Variants in ZNF280D observed in about 807,000 individuals in gnomAD.
The protein encoded by ZNF280D is zinc finger protein 280D, also known as suppressor of hairy wing homolog 4.
In ZNF280D, 39 loss-of-function variants were observed where a neutral mutation model predicts 94.7. That is an observed-to-expected ratio of 0.41 (90% confidence interval 0.32 to 0.54). The LOEUF (loss-of-function observed/expected upper bound fraction) is 0.54. Ranked by LOEUF, ZNF280D falls within the 20% of genes least tolerant of loss-of-function variation. The probability of loss-of-function intolerance (pLI) is 0.22; values close to 1 mark genes in which losing one functional copy is unlikely to be tolerated. For missense variants in ZNF280D, 1,090 were observed against 1,149.3 expected, an observed-to-expected ratio of 0.95 and a Z score of 0.75; for synonymous variants, 398 against 377.6, an observed-to-expected ratio of 1.05 and a Z score of -0.63.
At chr15:56,686,437 C>A (rs2056021586) in intron 9 of ZNF280D, among the ~76,000 whole-genome samples, 1 of 152,118 alleles carries the variant, frequency 6.6e-6, no homozygotes, top group South Asian at 2.1e-4. Flanking sequence ...TGACTCCCGG[C>A]CTCATAATAT....
At chr15:56,678,313 G>A (rs2055385453) in intron 11 of ZNF280D, among the ~76,000 whole-genome samples, 1 of 152,102 alleles carries the variant, frequency 6.6e-6, no homozygotes, top group South Asian at 2.1e-4. Flanking sequence ...CACCCCGCCT[G>A]TGATTTTTAA....
intron 20 of ZNF280D, among the ~76,000 whole-genome samples, chr15:56,639,237 A>G (rs2052503086): frequency 6.6e-6 from 1 of 151,786 alleles, no homozygotes; most frequent in Admixed American, 6.6e-5. Flanking sequence ...ATTGAAACAA[A>G]AAAACAAAAA....
chr15:56,658,095 G>A (rs553829790), intron 17 of ZNF280D, among the ~76,000 whole-genome samples: 50 of 152,228 alleles, frequency 3.3e-4, no homozygotes, highest in African/African-American at 1.1e-3. Flanking sequence ...AAGCCACAGA[G>A]GACCACATCA....
chr15:56,652,549 G>T, intron 19 of ZNF280D: 1 of 777,838 alleles, frequency 1.3e-6, no homozygotes, highest in Non-Finnish European at 1.6e-6. Context: ...TATATTCAAT[G>T]TAACTAAAAT....
chr15:56,635,174 T>C (rs1348506462), intron 21 of ZNF280D, 21 bp downstream of exon 21: 3 of 1,470,402 alleles, frequency 2.0e-6, no homozygotes, highest in Non-Finnish European at 2.8e-6. Flanking sequence ...TTTATGAAAT[T>C]CAGTTTTTCC....
rs866379435 is a variant in ZNF280D, at chr15:56,726,736, T to C, written c.-86+6722A>G. On this transcript the variant is annotated intron_variant, in intron 1 of 21. Transcript: ENST00000267807. ...TCTCATTTATTTTCCAGTTTTCTTA[T>C]AGTTTTGCAAAAATATTGCATCAAT... 2.6e-5 allele frequency among the ~76,000 whole-genome samples: 4 copies of C among 152,230 alleles called. No homozygotes were observed. In the East Asian group the frequency reaches 5.8e-4, roughly 22 times the overall value.
intron 16 of ZNF280D, among the ~76,000 whole-genome samples, chr15:56,663,693 T>C (rs1010960791): frequency 2.6e-5 from 4 of 152,266 alleles, no homozygotes. Context: ...GAATTTCTTG[T>C]ATATTGCAAA....
At chr15:56,668,731 G>A in intron 14 of ZNF280D, 92 bp downstream of exon 14, 1 of 1,197,050 alleles carries the variant, frequency 8.4e-7, no homozygotes, top group Non-Finnish European at 1.1e-6. Flanking sequence ...AAAATCTGAA[G>A]TCATTTAAAA....
chr15:56,733,508 A>T lies in ZNF280D; in HGVS notation c.-136T>A. On this transcript the variant is annotated 5_prime_UTR_variant, in exon 1 of 22. Coordinates refer to ENST00000267807, the MANE Select transcript of ZNF280D (RefSeq NM_017661.4). ...TGGAGCCCTGAGGAGGAGGAGAAAG[A>T]GGAGGAGGAAAAGGAGGAGCACGAA... is the stretch of plus-strand genomic sequence containing the variant. 2.6e-6 allele frequency: 3 copies of T among 1,149,514 alleles called. No individual in the cohort carries two copies. The highest frequency in any genetic ancestry group is 3.3e-6 in the Non-Finnish European group (3 of 921,842). The allele number at this position is 1,149,514 out of a possible 1,614,324, so 71.2% of individuals were successfully genotyped here.
intron 6 of ZNF280D, chr15:56,699,449 G>C: frequency 1.2e-6 from 1 of 826,850 alleles, no homozygotes; most frequent in South Asian, 5.6e-5. Flanking sequence ...TCATTTTTTG[G>C]TTTTAGATAT....
intron 1 of ZNF280D, among the ~76,000 whole-genome samples, chr15:56,708,718 T>A (rs2057569555): frequency 6.6e-6 from 1 of 152,140 alleles, no homozygotes; most frequent in African/African-American, 2.4e-5. Context: ...TCTATAACCA[T>A]CTGATCTTTG....
intron 1 of ZNF280D, among the ~76,000 whole-genome samples, chr15:56,729,548 T>G (rs1487270370): frequency 6.6e-6 from 1 of 152,164 alleles, no homozygotes; most frequent in Non-Finnish European, 1.5e-5. Context: ...ACAAAAAGAC[T>G]ACAGAAGTGA....
chr15:56,682,226 A>G, intron 10 of ZNF280D, 28 bp downstream of exon 10: 8 of 1,437,798 alleles, frequency 5.6e-6, no homozygotes, highest in Non-Finnish European at 7.6e-6. Context: ...TCAATTTTCA[A>G]TAGAAATAAA....
chr15:56,715,705 G>A (rs1317855380), intron 1 of ZNF280D, among the ~76,000 whole-genome samples: 1 of 151,954 alleles, frequency 6.6e-6, no homozygotes, highest in Non-Finnish European at 1.5e-5. Context: ...GGTAGTAACA[G>A]TTTTGTATTT....
intron 21 of ZNF280D, 37 bp downstream of exon 21, chr15:56,635,158 T>A (rs753418128): frequency 7.5e-7 from 1 of 1,333,156 alleles, no homozygotes; most frequent in Non-Finnish European, 1.0e-6. Flanking sequence ...TTTTGTATAC[T>A]TGAATTTTAT....
At chr15:56,675,412 G>C (rs898066570) in intron 13 of ZNF280D, among the ~76,000 whole-genome samples, 1 of 150,894 alleles carries the variant, frequency 6.6e-6, no homozygotes. Context: ...ATAAAGAAAT[G>C]CACTAAGGGT....
intron 20 of ZNF280D, among the ~76,000 whole-genome samples, chr15:56,642,676 T>C (rs1377017215): frequency 1.3e-5 from 2 of 151,770 alleles, no homozygotes; most frequent in East Asian, 3.8e-4. Context: ...GGATTTTTAA[T>C]TCATAAATTT....
In ZNF280D at chr15:56,654,490, C is replaced by T. The variant is rs1349952074; in HGVS notation, c.2071G>A (p.Val691Met). The change falls in exon 18 of 22, where the codon GTG becomes ATG. Residue 691 changes from valine (V) to methionine (M), a missense_variant. By Grantham distance (21) the Val-to-Met change is conservative (BLOSUM62 1). This residue lies in a region of ZNF280D where 577 missense variants were observed against 568.8 expected (regional missense o/e 1.01). Coordinates refer to ENST00000267807, the MANE Select transcript of ZNF280D (RefSeq NM_017661.4). ...CTTAGGAAATCACAATTAAGGCACA[C>T]TAGAGTAATGCCCCTAAAAAAAAAA... ...HSENLRGITL[V>M]CLNCDFLSDV... The T allele has an allele frequency of 6.3e-7, 1 of 1,585,780 alleles. No individual in the cohort carries two copies. The highest frequency in any genetic ancestry group is 1.9e-5 in the Admixed American group (1 of 51,530).
intron 1 of ZNF280D, among the ~76,000 whole-genome samples, chr15:56,717,646 A>T (rs1410790675): frequency 6.6e-6 from 1 of 152,132 alleles, no homozygotes; most frequent in Non-Finnish European, 1.5e-5. Context: ...TGCATATATT[A>T]TTTCACCTAA....
Sources: allele counts gnomAD v4.1 joint callset (sites outside exome capture counted in the v4.1 genomes callset), GRCh38; gene constraint gnomAD v4.1.1; regional missense constraint gnomAD v4.1.1; transcripts MANE v1.5; gene names NCBI Gene and HGNC (gene_info 2026-07-23, HGNC 2026-07-21).